Variants in TRMT44 observed in about 807,000 individuals in gnomAD.
The protein encoded by TRMT44 is probable tRNA (uracil-O(2)-)-methyltransferase.
Under a neutral mutation model 77.3 loss-of-function variants are expected in TRMT44, and 78 were observed. The observed-to-expected ratio is 1.01, with a 90% CI of 0.84 to 1.22. TRMT44 has a LOEUF of 1.22. Among genes scored for constraint, TRMT44 ranks in the 50% most tolerant of loss-of-function variants. TRMT44 has a pLI of 0.00. For missense variants in TRMT44, 1,090 were observed against 964.4 expected, an observed-to-expected ratio of 1.13 and a Z score of -1.73; for synonymous variants, 391 against 383.3, an observed-to-expected ratio of 1.02 and a Z score of -0.23.
At position 8,441,282 on chromosome 4, in the gene TRMT44, G is replaced by T. The variant is rs1442454037; in HGVS notation, c.460G>T (p.Ala154Ser). 6 of 1,535,488 alleles carry T rather than the reference G, an allele frequency of 3.9e-6. No individual in the cohort carries two copies. The highest frequency in any genetic ancestry group is 5.2e-6 in the Non-Finnish European group (6 of 1,146,642). Reference protein sequence around the residue: ...SLWEDFSQSLARGNSELLAFL... With the variant: ...SLWEDFSQSLSRGNSELLAFL... ...TTGGGAGGATTTCTCCCAAAGTCTCGCCCGTGGCAATTCGGAGTTGCTGGC... is the reference window on the plus strand; with the variant it reads ...TTGGGAGGATTTCTCCCAAAGTCTCTCCCGTGGCAATTCGGAGTTGCTGGC... The change falls in exon 1 of 11, where the codon GCC becomes TCC. Residue 154 changes from alanine to serine, a missense_variant. By Grantham distance (99) the Ala-to-Ser change is moderately conservative. Coordinates refer to ENST00000389737, the MANE Select transcript of TRMT44 (RefSeq NM_152544.3).
At chr4:8,448,644 AC>A (rs1323511265) in intron 2 of TRMT44, among the ~76,000 whole-genome samples, 4 of 152,186 alleles carry the variant, frequency 2.6e-5, no homozygotes, top group Non-Finnish European at 4.4e-5. Context: ...AGCAGGACAG[AC>A]CTCACAGTCC....
At chr4:8,504,173 G>T in the TRMT44 span, among the ~76,000 whole-genome samples, 2 of 152,138 alleles carry the variant, frequency 1.3e-5, no homozygotes, top group Non-Finnish European at 2.9e-5. This position sits in a 1 kb window ranked among gnomAD's most constrained non-coding sequence, Gnocchi z 5.3. Context: ...GACATGGCAT[G>T]GTGTAAGCCC....
intron 2 of TRMT44, among the ~76,000 whole-genome samples, chr4:8,488,865 C>G (rs994721134): frequency 2.8e-4 from 43 of 152,138 alleles, no homozygotes; most frequent in African/African-American, 1.0e-3. Flanking sequence ...AGTGCTGTGT[C>G]CATGGGATCA....
At chr4:8,491,624 T>C (rs534280116) in intron 2 of TRMT44, among the ~76,000 whole-genome samples, 2 of 152,314 alleles carry the variant, frequency 1.3e-5, no homozygotes, top group South Asian at 2.1e-4. Context: ...CTGGGGGACC[T>C]AGTACACCCT....
chr4:8,511,288 A>C, the TRMT44 span, among the ~76,000 whole-genome samples: 12 of 152,316 alleles, frequency 7.9e-5, no homozygotes, highest in Admixed American at 6.5e-4. Flanking sequence ...AAATGTTAAG[A>C]GCACTGCAAT....
chr4:8,515,479 C>G, the TRMT44 span, among the ~76,000 whole-genome samples: 1 of 152,360 alleles, frequency 6.6e-6, no homozygotes, highest in South Asian at 2.1e-4. Context: ...GCCCTTGCTC[C>G]CAAGCTGCTC....
chr4:8,440,837 C>T lies in TRMT44; in HGVS notation c.15C>T (p.Gly5=). The T allele has an allele frequency of 1.3e-6, 2 of 1,498,320 alleles. No individual in the cohort carries two copies. Among genetic ancestry groups the T allele is most frequent in the Non-Finnish European group, 1.8e-6 (2 of 1,128,650 alleles). 92.8% of individuals were successfully genotyped at this position (1,498,320 alleles called of 1,614,324 possible). A position where few individuals can be genotyped will look rare whatever the true frequency, so the allele number is the denominator to read the frequency against. Residue 5 remains glycine (G), a synonymous_variant, in exon 1 of 11, where the codon GGC becomes GGT. Coordinates refer to ENST00000389737, the MANE Select transcript of TRMT44 (RefSeq NM_152544.3). ...TGCTGGCTGCCATGGCTGAGGTGGGCCGTACCGGGATCAGCTACCCAGGCG... is the reference window on the plus strand; with the variant it reads ...TGCTGGCTGCCATGGCTGAGGTGGGTCGTACCGGGATCAGCTACCCAGGCG... MAEV[G]RTGISYPGAL...
chr4:8,511,985 C>G, the TRMT44 span: 1 of 152,156 alleles, frequency 6.6e-6, no homozygotes, highest in Non-Finnish European at 1.5e-5. Flanking sequence ...CAATAGATCC[C>G]TTTAATACAC....
chr4:8,464,378 T>A (rs541301413), intron 7 of TRMT44, among the ~76,000 whole-genome samples: 1 of 152,366 alleles, frequency 6.6e-6, no homozygotes, highest in East Asian at 1.9e-4. Flanking sequence ...TGTGATTACT[T>A]CTACGGTATT....
At chr4:8,499,831 G>A in the TRMT44 span, among the ~76,000 whole-genome samples, 4 of 152,138 alleles carry the variant, frequency 2.6e-5, no homozygotes, top group Non-Finnish European at 5.9e-5. Context: ...CTGAGTACCC[G>A]GGTGATGAAA....
chr4:8,513,915 G>T, the TRMT44 span, among the ~76,000 whole-genome samples: 2 of 152,186 alleles, frequency 1.3e-5, no homozygotes, highest in Admixed American at 1.3e-4. Context: ...GAACTCTTGG[G>T]TGGGGCTGGT....
downstream of TRMT44, among the ~76,000 whole-genome samples, chr4:8,498,422 G>C (rs987467765): frequency 5.3e-5 from 8 of 152,220 alleles, no homozygotes; most frequent in Non-Finnish European, 1.2e-4. This position sits in a 1 kb window ranked among gnomAD's most constrained non-coding sequence, Gnocchi z 4.3. Flanking sequence ...TCTGCAGGCT[G>C]TCTAGGGAGC....
chr4:8,469,684 C>T (rs555885435), intron 9 of TRMT44, among the ~76,000 whole-genome samples: 2 of 152,276 alleles, frequency 1.3e-5, no homozygotes, highest in South Asian at 2.1e-4. Flanking sequence ...GGGCACCTAA[C>T]AGGCTCTGGA....
the TRMT44 span, among the ~76,000 whole-genome samples, chr4:8,500,914 G>C: frequency 2.0e-5 from 3 of 152,238 alleles, no homozygotes; most frequent in East Asian, 5.8e-4. Flanking sequence ...TGCCCTCCTT[G>C]GCCTCCCAAG....
the TRMT44 span, chr4:8,512,655 T>C: frequency 6.6e-6 from 1 of 152,230 alleles, no homozygotes; most frequent in Non-Finnish European, 1.5e-5. Flanking sequence ...TCTTGTTTCT[T>C]TGGGCAGCTG....
rs1351514117 is a variant in TRMT44, at chr4:8,441,064, G to T, written c.242G>T (p.Gly81Val). ...GPGPGQGSPG[G>V]GPGPRSLSGP... ...GGACCCGGCCAGGGTTCCCCCGGAG[G>T]GGGCCCGGGTCCCAGGTCGCTATCA... The change falls in exon 1 of 11, where the codon GGG becomes GTG. Residue 81 changes from glycine (G) to valine (V), a missense_variant. Physicochemically the swap from Gly to Val is moderately radical, Grantham distance 109. Coordinates refer to ENST00000389737, the MANE Select transcript of TRMT44 (RefSeq NM_152544.3). 3.4e-6 allele frequency: 5 copies of T among 1,487,024 alleles called. No homozygotes were observed. The highest frequency in any genetic ancestry group is 4.4e-6 in the Non-Finnish European group (5 of 1,124,544). 92.1% of individuals were successfully genotyped at this position (1,487,024 alleles called of 1,614,324 possible).
In TRMT44 at chr4:8,441,281, C is replaced by T. The variant is rs1724668726; in HGVS notation, c.459C>T (p.Leu153=). 2.0e-6 allele frequency: 3 copies of T among 1,535,532 alleles called. No individual in the cohort carries two copies. In the East Asian group the frequency reaches 7.3e-5, roughly 38 times the overall value. The change falls in exon 1 of 11, where the codon CTC becomes CTT. Residue 153 remains leucine (L), a synonymous_variant. Coordinates refer to ENST00000389737, the MANE Select transcript of TRMT44 (RefSeq NM_152544.3). The part of the protein sequence containing the change: ...DSLWEDFSQS[L]ARGNSELLAF... Reference sequence around the variant, plus strand: ...TTTGGGAGGATTTCTCCCAAAGTCTCGCCCGTGGCAATTCGGAGTTGCTGG... The same window carrying T: ...TTTGGGAGGATTTCTCCCAAAGTCTTGCCCGTGGCAATTCGGAGTTGCTGG...
chr4:8,496,305 C>G (rs1306806513), downstream of TRMT44, among the ~76,000 whole-genome samples: 2 of 152,200 alleles, frequency 1.3e-5, no homozygotes, highest in African/African-American at 4.8e-5. Flanking sequence ...ATTCTTTGTT[C>G]AAAACACCAA....
the TRMT44 span, among the ~76,000 whole-genome samples, chr4:8,504,352 C>T: frequency 6.6e-6 from 1 of 152,158 alleles, no homozygotes; most frequent in Non-Finnish European, 1.5e-5. The surrounding 1 kb of genome is among the most constrained non-coding windows in gnomAD (Gnocchi z 5.3). Flanking sequence ...CCGCCAGGTA[C>T]CCGCGCCAGC....
Sources: gnomAD v4.1 joint callset for allele counts (sites outside exome capture counted in the v4.1 genomes callset) on GRCh38, gnomAD v4.1.1 for gene constraint, Gnocchi (gnomAD v3.1) non-coding constraint, MANE v1.5 for transcripts, NCBI Gene and HGNC (gene_info 2026-07-23, HGNC 2026-07-21) for gene names.